C5: variants seen among roughly 807,000 people sequenced by gnomAD.
C5 encodes the protein complement C5, also known as C3 and PZP-like alpha-2-macroglobulin domain-containing protein 4.
C5 carries 140 observed loss-of-function variants against 218.8 expected under a neutral mutation model. The observed-to-expected ratio is 0.64, with a 90% CI of 0.56 to 0.74. The LOEUF (loss-of-function observed/expected upper bound fraction) is 0.74. Ranked by LOEUF, C5 falls within the 30% of genes least tolerant of loss-of-function variation. The pLI is 0.00. For missense variants in C5, 1,700 were observed against 1,969.6 expected (o/e 0.86, Z 2.59); for synonymous variants, 614 against 682.3 (o/e 0.90, Z 1.56).
intron 20 of C5, among the ~76,000 whole-genome samples, chr9:120,998,097 C>T (rs914751142): frequency 9.9e-5 from 15 of 152,138 alleles, no homozygotes; most frequent in Admixed American, 3.3e-4. Flanking sequence ...TGCTGTAATC[C>T]GTGCCCAGAC....
chr9:121,005,210 G>T (rs972045590), intron 20 of C5, among the ~76,000 whole-genome samples: 1 of 152,148 alleles, frequency 6.6e-6, no homozygotes, highest in African/African-American at 2.4e-5. Context: ...GGGTGTGCTG[G>T]CAAAGAGAAG....
At chr9:121,049,335 T>C (rs916727138) in intron 1 of C5, among the ~76,000 whole-genome samples, 2 of 152,206 alleles carry the variant, frequency 1.3e-5, no homozygotes, top group African/African-American at 4.8e-5. Flanking sequence ...CCTTAGCTGC[T>C]CGTCTTTCAA....
chr9:120,991,047 G>A (rs1250262581), intron 23 of C5, 144 bp downstream of exon 23: 2 of 638,050 alleles, frequency 3.1e-6, no homozygotes, highest in Non-Finnish European at 5.7e-6. Context: ...AAGTGGGGGT[G>A]GGTAGGGGTG....
intron 23 of C5, among the ~76,000 whole-genome samples, chr9:120,990,428 G>A (rs2047068556): frequency 6.6e-6 from 1 of 152,178 alleles, no homozygotes. Context: ...GAATGTATAT[G>A]TCTCTCCAAA....
In C5 at chr9:121,043,414, C is replaced by T. The variant is rs944191239; in HGVS notation, c.259-248G>A. Among the ~76,000 whole-genome samples the T allele has an allele frequency of 1.6e-4, 24 of 152,192 alleles. 1 individual carries two copies. The highest frequency in any genetic ancestry group is 4.6e-4 in the African/African-American group (19 of 41,444). On this transcript the variant is annotated intron_variant, in intron 2 of 40. Coordinates refer to ENST00000223642, the MANE Select transcript of C5 (RefSeq NM_001735.3). ...TTCCATGTTTCCTAAATTTTATATA[C>T]ATTTAGTGAAACTACTACTATAAAA...
intron 40 of C5, 121 bp downstream of exon 40, chr9:120,953,609 T>C: frequency 9.8e-7 from 1 of 1,016,510 alleles, no homozygotes; most frequent in Non-Finnish European, 1.5e-6. Flanking sequence ...ATTAATATTA[T>C]TTAGTTCAAA....
intron 39 of C5, among the ~76,000 whole-genome samples, chr9:120,955,941 T>A (rs1479063794): frequency 2.6e-5 from 4 of 151,842 alleles, no homozygotes; most frequent in Admixed American, 2.6e-4. Flanking sequence ...GAGAAAAAAA[T>A]TTAGTATAAA....
intron 20 of C5, among the ~76,000 whole-genome samples, chr9:121,001,456 C>A (rs2047160697): frequency 6.6e-6 from 1 of 152,212 alleles, no homozygotes; most frequent in Non-Finnish European, 1.5e-5. Flanking sequence ...ACATCAGTGA[C>A]ATATCACTTG....
intron 10 of C5, 76 bp from the exon 11 acceptor site, chr9:121,021,770 C>T: frequency 7.9e-7 from 1 of 1,260,654 alleles, no homozygotes; most frequent in Non-Finnish European, 1.2e-6. Flanking sequence ...AATAATTTTC[C>T]TTCCTCCCCA....
At chr9:120,957,219 G>A in intron 39 of C5, 66 bp downstream of exon 39, 1 of 1,062,282 alleles carries the variant, frequency 9.4e-7, no homozygotes, top group Non-Finnish European at 1.5e-6. Context: ...TTAATATAAT[G>A]CCTGGCACAT....
chr9:120,987,819 GTCTCACTCTGT>G (rs968093477), intron 25 of C5, among the ~76,000 whole-genome samples: 11 of 152,032 alleles, frequency 7.2e-5, no homozygotes, highest in Admixed American at 2.0e-4. Context: ...TTGAGACAGA[GTCTCACTCTGT>G]CACCCGGGCT....
intron 33 of C5, among the ~76,000 whole-genome samples, chr9:120,964,673 G>T (rs2046853149): frequency 6.6e-6 from 1 of 152,138 alleles, no homozygotes; most frequent in Non-Finnish European, 1.5e-5. Context: ...TGCAAAAAGG[G>T]CACAATGGGA....
chr9:121,025,801 T>A (rs1334550787), intron 8 of C5: 2 of 467,682 alleles, frequency 4.3e-6, no homozygotes, highest in African/African-American at 3.9e-5. Context: ...GAACATCACA[T>A]GGTCCAACAG....
At chr9:121,007,663 T>C (rs1233191856) in intron 18 of C5, among the ~76,000 whole-genome samples, 1 of 152,218 alleles carries the variant, frequency 6.6e-6, no homozygotes, top group African/African-American at 2.4e-5. Context: ...TACATTTTAA[T>C]GTGGAAGACA....
intron 22 of C5, among the ~76,000 whole-genome samples, chr9:120,992,930 G>A (rs1464151204): frequency 6.6e-6 from 1 of 152,058 alleles, no homozygotes; most frequent in East Asian, 1.9e-4. Context: ...TGCTCAAAGA[G>A]GTACATCAGA....
At chr9:121,022,905 G>C (rs1587985295) in intron 10 of C5, among the ~76,000 whole-genome samples, 1 of 151,900 alleles carries the variant, frequency 6.6e-6, no homozygotes, top group African/African-American at 2.4e-5. Flanking sequence ...GAAAAGAACA[G>C]AGAGCAATAC....
chr9:121,041,278 G>A (rs1298824373), intron 3 of C5, among the ~76,000 whole-genome samples: 1 of 128,226 alleles, frequency 7.8e-6, no homozygotes, highest in Non-Finnish European at 1.6e-5. Flanking sequence ...AGTCCTGATA[G>A]AGAAATAATA....
the C5 span, among the ~76,000 whole-genome samples, chr9:121,071,033 G>T: frequency 6.6e-6 from 1 of 152,022 alleles, no homozygotes; most frequent in Non-Finnish European, 1.5e-5. Context: ...ATTAAGGTTG[G>T]GTATGGTGAC....
intron 28 of C5, 79 bp from the exon 29 acceptor site, chr9:120,976,984 G>T: frequency 8.1e-7 from 1 of 1,240,634 alleles, no homozygotes; most frequent in Non-Finnish European, 1.2e-6. Context: ...GTGTATTATG[G>T]CCTTCCAGTT....
Sources: allele counts gnomAD v4.1 joint callset (sites outside exome capture counted in the v4.1 genomes callset), GRCh38; gene constraint gnomAD v4.1.1; transcripts MANE v1.5; gene names NCBI Gene and HGNC (gene_info 2026-07-23, HGNC 2026-07-21).